Variants in PRSS12 observed in about 807,000 individuals in gnomAD.
PRSS12 encodes serine protease 12, also known as neurotrypsin.
A neutral mutation model predicts 104.4 loss-of-function variants in PRSS12; 85 were observed. That is an observed-to-expected ratio of 0.81 (90% confidence interval 0.68 to 0.98). The LOEUF (loss-of-function observed/expected upper bound fraction) is 0.98. Among genes scored for constraint, PRSS12 ranks in the 50% least tolerant of loss-of-function variants. PRSS12 has a pLI of 0.00. For synonymous variants in PRSS12, 454 were observed against 425.2 expected, an observed-to-expected ratio of 1.07 and a Z score of -0.83; for missense variants, 1,141 against 1,139.2, an observed-to-expected ratio of 1.00 and a Z score of -0.02.
At chr4:118,345,854 C>T (rs903373958) in intron 1 of PRSS12, among the ~76,000 whole-genome samples, 5 of 152,164 alleles carry the variant, frequency 3.3e-5, no homozygotes, top group African/African-American at 1.2e-4. Flanking sequence ...CTTAGCAAAC[C>T]CTTTTGGTTC....
chr4:118,341,862 C>T (rs899955268), intron 1 of PRSS12, among the ~76,000 whole-genome samples: 2 of 152,184 alleles, frequency 1.3e-5, no homozygotes, highest in African/African-American at 4.8e-5. Flanking sequence ...CCCTGAAATA[C>T]AATAAGTACC....
At chr4:118,312,768 A>C (rs1743779352) in intron 7 of PRSS12, among the ~76,000 whole-genome samples, 1 of 152,138 alleles carries the variant, frequency 6.6e-6, no homozygotes, top group Non-Finnish European at 1.5e-5. Context: ...ACGAACGACA[A>C]GGCTTCAGGA....
At chr4:118,310,188 C>T (rs1040242239) in intron 7 of PRSS12, among the ~76,000 whole-genome samples, 2 of 152,086 alleles carry the variant, frequency 1.3e-5, no homozygotes, top group Non-Finnish European at 2.9e-5. Flanking sequence ...AAAAGTGATC[C>T]TCAGATACCA....
chr4:118,339,077 A>T (rs1724132605), intron 1 of PRSS12, among the ~76,000 whole-genome samples: 1 of 152,134 alleles, frequency 6.6e-6, no homozygotes, highest in South Asian at 2.1e-4. Context: ...AAGAGCCAAG[A>T]TTTAAATTCA....
Position 118,338,259 on chromosome 4 carries a change from A to G in PRSS12, c.558T>C (p.Tyr186=). 6.2e-7 allele frequency: 1 copy of G among 1,614,074 alleles called. No homozygotes were observed. Among genetic ancestry groups the G allele is most frequent in the Non-Finnish European group, 8.5e-7 (1 of 1,179,968 alleles). Reference sequence around the variant, plus strand: ...AGACAGTGCCCCAAACTCCACTTGCATATACTTCCACTGTGCCTTCAAACT... The same window carrying G: ...AGACAGTGCCCCAAACTCCACTTGCGTATACTTCCACTGTGCCTTCAAACT... ...KNEFEGTVEV[Y]ASGVWGTVCS... The change falls in exon 2 of 13, where the codon TAT becomes TAC. Residue 186 remains tyrosine (Y), a synonymous_variant. Transcript: ENST00000296498.
chr4:118,335,465 T>C lies in PRSS12; in HGVS notation c.820+8A>G. 2 of 1,613,848 alleles carry C rather than the reference T, an allele frequency of 1.2e-6. No homozygotes were observed. Among genetic ancestry groups the C allele is most frequent in the Non-Finnish European group, 1.7e-6 (2 of 1,179,886 alleles). ...AGTAAAACAACAGAACTTTTTTCTT[T>C]TTTTTACCATGGGAAAAGCTACACG... is the stretch of plus-strand genomic sequence containing the variant. On this transcript the variant is annotated splice_region_variant and intron_variant, in intron 3 of 12. Transcript: ENST00000296498.
rs1033993810 is a variant in PRSS12 at position 118,352,371 on chromosome 4, G to T, written c.350C>A (p.Pro117His). 1.9e-6 allele frequency: 3 copies of T among 1,560,000 alleles called. No individual in the cohort carries two copies. The highest frequency in any genetic ancestry group is 2.3e-5 in the East Asian group (1 of 42,974). The change falls in exon 1 of 13, where the codon CCC (proline) becomes CAC (histidine). Residue 117 changes from proline to histidine, a missense_variant. Physicochemically the swap from Pro to His is moderately conservative, Grantham distance 77. Coordinates refer to ENST00000296498, the MANE Select transcript of PRSS12 (RefSeq NM_003619.4). ...CGCTGGGGGCGACCGCTCCAGGAAG[G>T]GTGGCACCTCCGCCCACCGCAGACA... is the stretch of plus-strand genomic sequence containing the variant. ...APCLRWAEVP[P>H]FLERSPPASW...
chr4:118,301,234 T>C (rs1743399160), intron 8 of PRSS12, among the ~76,000 whole-genome samples: 3 of 152,214 alleles, frequency 2.0e-5, no homozygotes, highest in African/African-American at 7.2e-5. Flanking sequence ...TCATGCTATA[T>C]GTGCACAAGC....
chr4:118,320,756 A>G (rs779074860), intron 4 of PRSS12, among the ~76,000 whole-genome samples: 1 of 152,066 alleles, frequency 6.6e-6, no homozygotes, highest in Non-Finnish European at 1.5e-5. Flanking sequence ...CTGTCTCAAA[A>G]TAATAATAAT....
Position 118,288,943 on chromosome 4 carries a change from T to A in PRSS12, c.2040-5832A>T, listed in dbSNP as rs111660657. ...AGCCTTTAAATAGTGATTTACCAAC[T>A]ACTTCAGGTGCGCTTGTTACATTGG... On this transcript the variant is annotated intron_variant, in intron 11 of 12. Transcript: ENST00000296498. 6.1e-4 allele frequency among the ~76,000 whole-genome samples: 93 copies of A among 152,334 alleles called. 1 individual carries two copies. Among genetic ancestry groups the A allele is most frequent in the African/African-American group, 2.2e-3 (93 of 41,582 alleles).
At chr4:118,282,376 T>A in intron 12 of PRSS12, 133 bp from the exon 13 acceptor site, 1 of 1,160,562 alleles carries the variant, frequency 8.6e-7, no homozygotes, top group Non-Finnish European at 1.3e-6. Context: ...GAGCAATGAC[T>A]AACTGGTATG....
intron 11 of PRSS12, among the ~76,000 whole-genome samples, chr4:118,293,096 A>C (rs1338025643): frequency 1.3e-5 from 2 of 151,830 alleles, no homozygotes; most frequent in African/African-American, 4.8e-5. Context: ...ATGACTGCAC[A>C]AATATTTACT....
chr4:118,299,779 TAAAATA>T (rs1743357081), intron 8 of PRSS12, among the ~76,000 whole-genome samples: 39 of 65,220 alleles, frequency 6.0e-4, no homozygotes, highest in Non-Finnish European at 6.5e-4. Context: ...TAAAATAAAA[TAAAATA>T]AAATAAAATA....
At chr4:118,345,171 T>C (rs1050968811) in intron 1 of PRSS12, among the ~76,000 whole-genome samples, 1 of 152,328 alleles carries the variant, frequency 6.6e-6, no homozygotes, top group East Asian at 1.9e-4. Context: ...ATCCTTACCC[T>C]GTTAGAAGAA....
chr4:118,293,714 T>A (rs1743181001), intron 11 of PRSS12, among the ~76,000 whole-genome samples: 1 of 152,068 alleles, frequency 6.6e-6, no homozygotes, highest in Non-Finnish European at 1.5e-5. Context: ...TGGCAAAAAA[T>A]TTAAAATTTT....
chr4:118,306,810 G>GTCGTGTTGC (rs1743567123), intron 8 of PRSS12, among the ~76,000 whole-genome samples: 1 of 152,168 alleles, frequency 6.6e-6, no homozygotes, highest in African/African-American at 2.4e-5. Flanking sequence ...CTACATGTGT[G>GTCGTGTTGC]TTGATGATGC....
At chr4:118,285,841 C>T (rs1245409966) in intron 11 of PRSS12, among the ~76,000 whole-genome samples, 1 of 151,416 alleles carries the variant, frequency 6.6e-6, no homozygotes, top group Non-Finnish European at 1.5e-5. Context: ...GACAAGATTT[C>T]ACTCTGTTTT....
intron 4 of PRSS12, among the ~76,000 whole-genome samples, chr4:118,320,206 G>A (rs977561882): frequency 6.6e-6 from 1 of 151,876 alleles, no homozygotes; most frequent in East Asian, 1.9e-4. Context: ...CAATGATACT[G>A]CATCTACTCC....
chr4:118,344,570 T>C (rs1724304912), intron 1 of PRSS12, among the ~76,000 whole-genome samples: 1 of 152,190 alleles, frequency 6.6e-6, no homozygotes, highest in African/African-American at 2.4e-5. Context: ...TGAACCAAGA[T>C]CCAACTGAGC....
Sources: gnomAD v4.1 joint callset for allele counts (sites outside exome capture counted in the v4.1 genomes callset) on GRCh38, gnomAD v4.1.1 for gene constraint, MANE v1.5 for transcripts, NCBI Gene and HGNC (gene_info 2026-07-23, HGNC 2026-07-21) for gene names.